The following CYP39A1 variants were observed in gnomAD, a reference collection of about 807,000 sequenced individuals.
CYP39A1 encodes 24-hydroxycholesterol 7-alpha-hydroxylase.
In CYP39A1, 49 loss-of-function variants were observed where a neutral mutation model predicts 58.1. That is an observed-to-expected ratio of 0.84 (90% confidence interval 0.67 to 1.07). The LOEUF (loss-of-function observed/expected upper bound fraction) is 1.07, where lower values mean the gene tolerates loss of function less well. CYP39A1 is among the 50% of genes least tolerant of loss of function. The probability of loss-of-function intolerance (pLI) is 0.00; values close to 1 mark genes in which losing one functional copy is unlikely to be tolerated. For synonymous variants in CYP39A1, 209 were observed against 187.6 expected (o/e 1.11, Z -0.93); for missense variants, 531 against 539.4 (o/e 0.98, Z 0.16).
At chr6:46,600,111 CTTTTCTTTTCTTTTCTT>C (rs1176178765) in intron 7 of CYP39A1, among the ~76,000 whole-genome samples, 2 of 128,964 alleles carry the variant, frequency 1.6e-5, no homozygotes, top group Non-Finnish European at 3.3e-5. Context: ...AAGCCCCTTT[CTTTTCTTTTCTTTTCTT>C]TTTTCTTTTC....
chr6:46,585,600 C>A (rs1030679318), intron 10 of CYP39A1, among the ~76,000 whole-genome samples: 1 of 151,982 alleles, frequency 6.6e-6, no homozygotes, highest in East Asian at 1.9e-4. Context: ...GTAACTGATA[C>A]TCAATTATAA....
chr6:46,562,378 G>A (rs1052507251), intron 10 of CYP39A1, among the ~76,000 whole-genome samples: 3 of 151,976 alleles, frequency 2.0e-5, no homozygotes. Context: ...GTGACATAAT[G>A]CCTATCTTAA....
intron 7 of CYP39A1, among the ~76,000 whole-genome samples, chr6:46,613,821 T>C (rs1232127495): frequency 1.3e-5 from 2 of 151,346 alleles, no homozygotes; most frequent in East Asian, 3.9e-4. Context: ...TAAACATTAA[T>C]GTCTTTGATT....
At chr6:46,633,103 T>C (rs1775758981) in intron 5 of CYP39A1, among the ~76,000 whole-genome samples, 1 of 152,178 alleles carries the variant, frequency 6.6e-6, no homozygotes, top group African/African-American at 2.4e-5. Flanking sequence ...AAATTACTTG[T>C]GAAATATGTA....
intron 10 of CYP39A1, among the ~76,000 whole-genome samples, chr6:46,567,309 T>C (rs1201642399): frequency 6.6e-6 from 1 of 151,722 alleles, no homozygotes; most frequent in Non-Finnish European, 1.5e-5. Context: ...AATGGCAAGA[T>C]TTCCTTTTGT....
intron 1 of CYP39A1, among the ~76,000 whole-genome samples, chr6:46,650,460 A>AAC: frequency 6.9e-6 from 1 of 145,838 alleles, no homozygotes; most frequent in Admixed American, 6.9e-5. Flanking sequence ...TTAGTAGTAA[A>AAC]ACATCAAATA....
intron 6 of CYP39A1, 73 bp downstream of exon 6, chr6:46,630,890 G>C: frequency 8.9e-7 from 1 of 1,125,524 alleles, no homozygotes; most frequent in Non-Finnish European, 1.3e-6. Flanking sequence ...AAGAATGGAA[G>C]ACAGAAATGA....
chr6:46,651,620 T>C, intron 1 of CYP39A1, among the ~76,000 whole-genome samples: 1 of 152,202 alleles, frequency 6.6e-6, no homozygotes, highest in East Asian at 1.9e-4. Flanking sequence ...CTCAGAGATT[T>C]TGAAGGCAAA....
chr6:46,642,941 T>G (rs1021813941), intron 1 of CYP39A1, among the ~76,000 whole-genome samples: 2 of 152,212 alleles, frequency 1.3e-5, no homozygotes, highest in African/African-American at 4.8e-5. Flanking sequence ...ATGCGTTCCC[T>G]CCTCTTAACA....
In CYP39A1 at chr6:46,608,572, A is replaced by C. The variant is rs542655208; in HGVS notation, c.932-12452T>G. ...TACTCACTCTTACGGAGGTGATAAT[A>C]TCTGAAGTAGATAATACCATTCACA... On this transcript the variant is annotated intron_variant, in intron 7 of 11. Transcript: ENST00000275016. 2.0e-5 allele frequency among the ~76,000 whole-genome samples: 3 copies of C among 152,178 alleles called. No homozygotes were observed. The South Asian group carries it at 6.2e-4, about 32-fold the overall frequency.
intron 8 of CYP39A1, among the ~76,000 whole-genome samples, chr6:46,591,016 A>T (rs890860109): frequency 4.0e-4 from 61 of 152,280 alleles, no homozygotes; most frequent in Non-Finnish European, 2.6e-4. Context: ...GTTAACACAG[A>T]TGTTCAGATG....
intron 10 of CYP39A1, chr6:46,583,262 T>G: frequency 1.0e-6 from 1 of 985,282 alleles, no homozygotes; most frequent in Non-Finnish European, 1.2e-6. Context: ...TACACTGGAG[T>G]TTAAGCCATA....
intron 7 of CYP39A1, among the ~76,000 whole-genome samples, chr6:46,603,465 A>C (rs957297101): frequency 1.3e-5 from 2 of 152,172 alleles, no homozygotes. Flanking sequence ...GACCCAAAAG[A>C]ATGCAAGCAT....
chr6:46,629,232 G>A (rs1181255831), intron 6 of CYP39A1, among the ~76,000 whole-genome samples: 1 of 152,132 alleles, frequency 6.6e-6, no homozygotes, highest in Non-Finnish European at 1.5e-5. Flanking sequence ...CCAGCGCCAA[G>A]AACAAATTCC....
At chr6:46,583,693 C>A in intron 10 of CYP39A1, 1 of 608,794 alleles carries the variant, frequency 1.6e-6, no homozygotes, top group Non-Finnish European at 2.1e-6. Flanking sequence ...GATCCTGCTC[C>A]AAACCTACTT....
intron 10 of CYP39A1, among the ~76,000 whole-genome samples, chr6:46,558,665 T>G (rs1770789585): frequency 6.6e-6 from 1 of 152,124 alleles, no homozygotes; most frequent in Non-Finnish European, 1.5e-5. Flanking sequence ...TATTTAATTT[T>G]CTCCGTAAGG....
intron 7 of CYP39A1, among the ~76,000 whole-genome samples, chr6:46,620,589 A>G (rs1774895503): frequency 6.6e-6 from 1 of 152,130 alleles, no homozygotes; most frequent in Non-Finnish European, 1.5e-5. Context: ...AAGGGCATCC[A>G]TTTGCCCAGG....
chr6:46,588,660 A>G (rs1561969589), intron 8 of CYP39A1, among the ~76,000 whole-genome samples: 1 of 149,346 alleles, frequency 6.7e-6, no homozygotes, highest in Non-Finnish European at 1.5e-5. Flanking sequence ...GTGTTAGAGC[A>G]GGGGCAGTGG....
chr6:46,635,140 G>A (rs1775900523), intron 5 of CYP39A1, among the ~76,000 whole-genome samples: 1 of 152,110 alleles, frequency 6.6e-6, no homozygotes, highest in Non-Finnish European at 1.5e-5. Context: ...GATAATATTT[G>A]CTATTTAACT....
Sources: gnomAD v4.1 joint callset for allele counts (sites outside exome capture counted in the v4.1 genomes callset) on GRCh38, gnomAD v4.1.1 for gene constraint, MANE v1.5 for transcripts, NCBI Gene and HGNC (gene_info 2026-07-23, HGNC 2026-07-21) for gene names.